FAM200B: variants seen among roughly 807,000 people sequenced by gnomAD.
FAM200B encodes zinc finger BED-type containing 11.
A neutral mutation model predicts 33.1 loss-of-function variants in FAM200B; 32 were observed. That is an observed-to-expected ratio of 0.97 (90% CI 0.73 to 1.30). The LOEUF (loss-of-function observed/expected upper bound fraction) is 1.30, where lower values mean the gene tolerates loss of function less well. Ranked by LOEUF, FAM200B falls within the 50% of genes most tolerant of loss-of-function variation. The pLI is 0.00. For missense variants in FAM200B, 741 were observed against 754.0 expected (o/e 0.98, Z 0.20); for synonymous variants, 240 against 264.8 (o/e 0.91, Z 0.91).
the FAM200B span, chr4:15,640,914 A>G: frequency 1.9e-5 from 24 of 1,247,562 alleles, no homozygotes; most frequent in Middle Eastern, 4.1e-4. Context: ...ACATTTTTAT[A>G]AAAGTTTCGC....
At chr4:15,656,031 C>G in the FAM200B span, among the ~76,000 whole-genome samples, 1 of 152,166 alleles carries the variant, frequency 6.6e-6, no homozygotes, top group Non-Finnish European at 1.5e-5. Context: ...TCGGGAGACT[C>G]AACGTGGGGG....
upstream of FAM200B, among the ~76,000 whole-genome samples, chr4:15,679,264 T>C (rs1328914208): frequency 6.6e-6 from 1 of 152,068 alleles, no homozygotes. Context: ...GGTTTCACCA[T>C]GTTGGTCAGG....
chr4:15,644,472 A>T, the FAM200B span: 1 of 1,579,456 alleles, frequency 6.3e-7, no homozygotes, highest in South Asian at 1.1e-5. Context: ...TGACAGTTGA[A>T]TATCCATTTT....
At chr4:15,681,295 C>T (rs911605036), upstream of FAM200B, 2 of 154,468 alleles carry the variant, frequency 1.3e-5, no homozygotes, top group Admixed American at 1.3e-4. Context: ...AGTGTATGAA[C>T]CAGCGTCCTG....
Position 15,690,339 on chromosome 4 carries a change from C to T in FAM200B, c.*1388C>T, listed in dbSNP as rs889165704. On this transcript the variant is annotated 3_prime_UTR_variant, in exon 2 of 2. Coordinates refer to ENST00000422728, the MANE Select transcript of FAM200B (RefSeq NM_001145191.2). ...ATCATACAGGATAGTAATTCCTTTC[C>T]ATCTGCTACCATGCCTAGCCTTATT... 2 of 166,986 alleles carry T rather than the reference C, an allele frequency of 1.2e-5. No individual in the cohort carries two copies. Among genetic ancestry groups the T allele is most frequent in the African/African-American group, 4.8e-5 (2 of 41,392 alleles). The allele number at this position is 166,986 out of a possible 1,614,324, so 10.3% of individuals were successfully genotyped here.
chr4:15,654,906 C>T, the FAM200B span, among the ~76,000 whole-genome samples: 4 of 152,074 alleles, frequency 2.6e-5, no homozygotes, highest in African/African-American at 2.4e-5. Flanking sequence ...GCGGTGGGGC[C>T]GGCCCGAGGG....
At chr4:15,640,850 G>A in the FAM200B span, 62 of 1,555,836 alleles carry the variant, frequency 4.0e-5, no homozygotes, top group Non-Finnish European at 4.6e-5. Flanking sequence ...CTCTCTTTCA[G>A]TTGTTTTGCA....
At chr4:15,644,959 C>T in the FAM200B span, among the ~76,000 whole-genome samples, 1 of 152,120 alleles carries the variant, frequency 6.6e-6, no homozygotes, top group Admixed American at 6.6e-5. Flanking sequence ...GCACAAATCA[C>T]GGTTTCTTTA....
the FAM200B span, among the ~76,000 whole-genome samples, chr4:15,666,577 A>G: frequency 6.6e-6 from 1 of 152,180 alleles, no homozygotes; most frequent in African/African-American, 2.4e-5. Context: ...TTTGAGATCT[A>G]TTGGACAGCA....
At chr4:15,680,877 T>C (rs1718220067), upstream of FAM200B, among the ~76,000 whole-genome samples, 2 of 150,146 alleles carry the variant, frequency 1.3e-5, no homozygotes, top group East Asian at 3.9e-4. Context: ...ATGACATATA[T>C]ATGTCAACCC....
chr4:15,671,367 T>A, the FAM200B span, among the ~76,000 whole-genome samples: 1 of 152,188 alleles, frequency 6.6e-6, no homozygotes, highest in Non-Finnish European at 1.5e-5. Flanking sequence ...AAACAGTACC[T>A]TTTTGCCCCT....
Position 15,687,252 on chromosome 4 carries a change from T to C in FAM200B, c.275T>C (p.Ile92Thr). ...CCTCAGTGTGTTATTTGTAATAATA[T>C]TCTTGCGAATGAAAGCTTAAAACCT... ...DRPQCVICNN[I>T]LANESLKPSK... The change falls in exon 2 of 2, where the codon ATT becomes ACT. Residue 92 changes from isoleucine to threonine, a missense_variant. Transcript: ENST00000422728. 1.3e-6 allele frequency: 2 copies of C among 1,546,114 alleles called. No homozygotes were observed. Among genetic ancestry groups the C allele is most frequent in the Non-Finnish European group, 1.7e-6 (2 of 1,145,214 alleles).
Position 15,688,744 on chromosome 4 carries a change from A to C in FAM200B, c.1767A>C (p.Glu589Asp), listed in dbSNP as rs1422550954. The C allele has an allele frequency of 6.4e-7, 1 of 1,550,632 alleles. No individual in the cohort carries two copies. Among genetic ancestry groups the C allele is most frequent in the Non-Finnish European group, 8.7e-7 (1 of 1,146,156 alleles). ...SLSAFWMKVKEDFPLLSRKSV... is the reference protein window; with the variant it reads ...SLSAFWMKVKDDFPLLSRKSV... Reference sequence around the variant, plus strand: ...CAGCATTTTGGATGAAGGTAAAGGAAGACTTTCCATTGTTAAGTAGAAAGA... The same window carrying C: ...CAGCATTTTGGATGAAGGTAAAGGACGACTTTCCATTGTTAAGTAGAAAGA... Residue 589 changes from glutamate to aspartate, a missense_variant, in exon 2 of 2, where the codon GAA (glutamate) becomes GAC (aspartate). Transcript: ENST00000422728.
the FAM200B span, chr4:15,640,698 T>G: frequency 1.6e-4 from 100 of 623,736 alleles, no homozygotes; most frequent in Middle Eastern, 2.3e-3. Flanking sequence ...CAGATACATC[T>G]TCCTATGCAT....
chr4:15,657,943 G>A, the FAM200B span, among the ~76,000 whole-genome samples: 1 of 152,194 alleles, frequency 6.6e-6, no homozygotes, highest in African/African-American at 2.4e-5. Context: ...ACCACCACAA[G>A]AAGTCTGAAT....
chr4:15,671,070 C>T, the FAM200B span, among the ~76,000 whole-genome samples: 3 of 151,414 alleles, frequency 2.0e-5, no homozygotes, highest in Non-Finnish European at 4.4e-5. Context: ...ATTACAGGTG[C>T]CCGCCACCAC....
At chr4:15,660,237 C>T in the FAM200B span, among the ~76,000 whole-genome samples, 1 of 152,130 alleles carries the variant, frequency 6.6e-6, no homozygotes, top group Non-Finnish European at 1.5e-5. Context: ...GCCACCACAC[C>T]AGGCTAATTT....
chr4:15,656,408 C>A, the FAM200B span: 2 of 411,970 alleles, frequency 4.9e-6, no homozygotes, highest in Admixed American at 5.6e-5. Flanking sequence ...TTGTTATTTG[C>A]TTAATGGCCA....
chr4:15,654,427 GGGCCCAAAAT>G, the FAM200B span, among the ~76,000 whole-genome samples: 5 of 152,130 alleles, frequency 3.3e-5, no homozygotes, highest in Non-Finnish European at 5.9e-5. Context: ...CACCAATTAT[GGGCCCAAAAT>G]GGTTCTCACA....
Sources: gnomAD v4.1 joint callset for allele counts (sites outside exome capture counted in the v4.1 genomes callset) on GRCh38, gnomAD v4.1.1 for gene constraint, MANE v1.5 for transcripts, NCBI Gene and HGNC (gene_info 2026-07-23, HGNC 2026-07-21) for gene names.